ALDH1L1: variants seen among roughly 807,000 people sequenced by gnomAD.
The protein encoded by ALDH1L1 is cytosolic 10-formyltetrahydrofolate dehydrogenase.
Under a neutral mutation model 101.1 loss-of-function variants are expected in ALDH1L1, and 68 were observed. The ratio of observed to expected loss-of-function variants is 0.67; its 90% CI spans 0.55 to 0.82. The LOEUF (loss-of-function observed/expected upper bound fraction) is 0.82, where lower values mean the gene tolerates loss of function less well. Ranked by LOEUF, ALDH1L1 falls within the 40% of genes least tolerant of loss-of-function variation. The probability of loss-of-function intolerance (pLI) is 0.00; values close to 1 mark genes in which losing one functional copy is unlikely to be tolerated. For missense variants in ALDH1L1, 1,087 were observed against 1,172.7 expected (o/e 0.93, Z 1.07); for synonymous variants, 486 against 470.8 (o/e 1.03, Z -0.42).
At chr3:126,112,950 C>G in intron 18 of ALDH1L1, 70 bp from the exon 19 acceptor site, 1 of 1,412,972 alleles carries the variant, frequency 7.1e-7, no homozygotes, top group Non-Finnish European at 9.9e-7. Context: ...TCTGCCAGGG[C>G]CCAGCCGCCT....
intron 9 of ALDH1L1, among the ~76,000 whole-genome samples, chr3:126,139,692 C>T (rs1247708928): frequency 6.6e-6 from 1 of 151,992 alleles, no homozygotes; most frequent in African/African-American, 2.4e-5. Context: ...GATGTATGAA[C>T]AAAATGAGAA....
chr3:126,148,144 C>G (rs1393509219), intron 8 of ALDH1L1, among the ~76,000 whole-genome samples: 1 of 152,168 alleles, frequency 6.6e-6, no homozygotes, highest in Non-Finnish European at 1.5e-5. Context: ...AGTGGAGCCA[C>G]AAAGGGGCAG....
At chr3:126,143,882 T>C (rs1278605094) in intron 9 of ALDH1L1, among the ~76,000 whole-genome samples, 1 of 152,244 alleles carries the variant, frequency 6.6e-6, no homozygotes, top group Non-Finnish European at 1.5e-5. Context: ...AATTTGAGGC[T>C]GCATTGGGCT....
At chr3:126,114,495 C>G in intron 18 of ALDH1L1, 62 bp downstream of exon 18, 2 of 1,322,034 alleles carry the variant, frequency 1.5e-6, no homozygotes, top group South Asian at 4.2e-5. Context: ...GACAGGGCCT[C>G]CTGGTCCCTA....
At chr3:126,131,240 A>C in intron 13 of ALDH1L1, 144 bp downstream of exon 13, 1 of 1,109,286 alleles carries the variant, frequency 9.0e-7, no homozygotes, top group Non-Finnish European at 1.2e-6. Flanking sequence ...GCAGGACCAC[A>C]AGCTAATAAA....
Position 126,155,458 on chromosome 3 carries a change from G to T in ALDH1L1, c.574C>A (p.Pro192Thr), listed in dbSNP as rs770185342. The T allele has an allele frequency of 1.2e-6, 2 of 1,613,304 alleles. No homozygotes were observed. The highest frequency in any genetic ancestry group is 2.2e-5 in the East Asian group (1 of 44,824). Residue 192 changes from proline to threonine, a missense_variant, in exon 5 of 23, where the codon CCT becomes ACT. Transcript: ENST00000393434. ...LIAEGKAPRL[P>T]QPEEGATYEG... ...TAGGTGGCTCCTTCCTCAGGCTGAGGGAGTCTGGGGGCTTTGCCCTCAGCG... is the reference window on the plus strand; with the variant it reads ...TAGGTGGCTCCTTCCTCAGGCTGAGTGAGTCTGGGGGCTTTGCCCTCAGCG...
At chr3:126,177,414 G>T in intron 1 of ALDH1L1, among the ~76,000 whole-genome samples, 1 of 152,192 alleles carries the variant, frequency 6.6e-6, no homozygotes, top group East Asian at 1.9e-4. Flanking sequence ...AAGACATGGA[G>T]GATGCTTAAA....
intron 21 of ALDH1L1, 136 bp downstream of exon 21, chr3:126,107,005 C>T (rs1409283572): frequency 1.6e-5 from 12 of 749,042 alleles, no homozygotes; most frequent in Non-Finnish European, 2.7e-5. Flanking sequence ...GCGGCACAAG[C>T]GGGGTGTCCA....
chr3:126,103,851 A>G lies in ALDH1L1; in HGVS notation c.2654-5T>C, dbSNP rs1945763102. On this transcript the variant is annotated splice_region_variant and splice_polypyrimidine_tract_variant and intron_variant, in intron 22 of 22. Coordinates refer to ENST00000393434, the MANE Select transcript of ALDH1L1 (RefSeq NM_012190.4). Reference sequence around the variant, plus strand: ...ACTCGTTCAGAGCCGCCTCTCCTGTAAGACACCACAAAGGTCACAGCAGCT... The same window carrying G: ...ACTCGTTCAGAGCCGCCTCTCCTGTGAGACACCACAAAGGTCACAGCAGCT... 6.2e-7 allele frequency: 1 copy of G among 1,613,088 alleles called. No individual in the cohort carries two copies. The highest frequency in any genetic ancestry group is 8.5e-7 in the Non-Finnish European group (1 of 1,179,618).
chr3:126,129,885 G>A (rs2080265366), intron 14 of ALDH1L1: 1 of 170,804 alleles, frequency 5.9e-6, no homozygotes, highest in Non-Finnish European at 1.2e-5. Flanking sequence ...TCCTCTGCCT[G>A]TTCCTCCTTT....
chr3:126,145,297 T>A (rs2080651372), intron 9 of ALDH1L1, among the ~76,000 whole-genome samples: 1 of 152,176 alleles, frequency 6.6e-6, no homozygotes, highest in South Asian at 2.1e-4. Context: ...GAGAATGATA[T>A]GGAGGTTCCT....
intron 3 of ALDH1L1, 26 bp from the exon 4 acceptor site, chr3:126,157,534 G>C (rs1350815519): frequency 6.2e-7 from 1 of 1,608,750 alleles, no homozygotes; most frequent in Admixed American, 1.7e-5. Context: ...GTGAAACCTG[G>C]AGTCCACGAT....
rs2080463083 is a variant in ALDH1L1 at position 126,137,107 on chromosome 3, G to A, written c.1225-224C>T. On this transcript the variant is annotated intron_variant, in intron 10 of 22. Coordinates refer to ENST00000393434, the MANE Select transcript of ALDH1L1 (RefSeq NM_012190.4). Reference sequence around the variant, plus strand: ...CCTACTCCCTGTGCCACCTTGGGCTGGCTCCTCAGCCTCCTTAGGGTGGGC... The same window carrying A: ...CCTACTCCCTGTGCCACCTTGGGCTAGCTCCTCAGCCTCCTTAGGGTGGGC... Among the ~76,000 whole-genome samples the A allele has an allele frequency of 3.3e-5, 5 of 151,840 alleles. No homozygotes were observed. In the South Asian group the frequency reaches 1.0e-3, roughly 31 times the overall value.
At chr3:126,161,824 C>G (rs1463660351) in intron 1 of ALDH1L1, among the ~76,000 whole-genome samples, 1 of 152,168 alleles carries the variant, frequency 6.6e-6, no homozygotes, top group Non-Finnish European at 1.5e-5. Context: ...AAACACACCA[C>G]TGTCAACACC....
At chr3:126,182,850 G>T (rs1384074515), upstream of ALDH1L1, among the ~76,000 whole-genome samples, 1 of 152,158 alleles carries the variant, frequency 6.6e-6, no homozygotes, top group Non-Finnish European at 1.5e-5. Context: ...CAGATGAACT[G>T]GGGGATCTCA....
upstream of ALDH1L1, among the ~76,000 whole-genome samples, chr3:126,184,089 C>A (rs926930330): frequency 1.3e-5 from 2 of 152,208 alleles, no homozygotes; most frequent in Non-Finnish European, 2.9e-5. Flanking sequence ...GTGGAAGTAA[C>A]TGTGTGATTT....
chr3:126,104,207 C>T (rs1254119382), intron 22 of ALDH1L1: 7 of 296,458 alleles, frequency 2.4e-5, no homozygotes, highest in African/African-American at 1.3e-4. Flanking sequence ...CCCCCAGCTA[C>T]GTCTGCATCA....
upstream of ALDH1L1, chr3:126,181,059 G>A (rs540318724): frequency 1.3e-6 from 2 of 1,532,768 alleles, no homozygotes; most frequent in East Asian, 2.4e-5. Flanking sequence ...CTGCGCATCC[G>A]GGTGGATAGC....
chr3:126,176,202 A>C (rs1265565263), intron 1 of ALDH1L1, among the ~76,000 whole-genome samples: 3 of 152,206 alleles, frequency 2.0e-5, no homozygotes, highest in African/African-American at 7.2e-5. Context: ...ATAAATGAAG[A>C]GATAGTACAT....
Sources: gnomAD v4.1 joint callset for allele counts (sites outside exome capture counted in the v4.1 genomes callset) on GRCh38, gnomAD v4.1.1 for gene constraint, MANE v1.5 for transcripts, NCBI Gene and HGNC (gene_info 2026-07-23, HGNC 2026-07-21) for gene names.